The following VRK2 variants were observed in gnomAD, a reference collection of about 807,000 sequenced individuals.
VRK2 encodes VRK serine/threonine kinase 2.
VRK2 carries 60 observed loss-of-function variants against 57.6 expected under a neutral mutation model. That is an observed-to-expected ratio of 1.04 (90% confidence interval 0.85 to 1.29). VRK2 has a LOEUF of 1.29. VRK2 is among the 50% of genes most tolerant of loss of function. The pLI is 0.00. For synonymous variants in VRK2, 231 were observed against 199.2 expected (o/e 1.16, Z -1.35); for missense variants, 705 against 588.1 (o/e 1.20, Z -2.06).
chr2:58,038,137 G>A (rs1181149746), intron 3 of VRK2, among the ~76,000 whole-genome samples: 1 of 152,088 alleles, frequency 6.6e-6, no homozygotes, highest in African/African-American at 2.4e-5. Flanking sequence ...ATCTCGAATT[G>A]TAATCCTCAG....
intron 1 of VRK2, among the ~76,000 whole-genome samples, chr2:57,986,177 A>C (rs976012354): frequency 1.3e-5 from 2 of 152,150 alleles, no homozygotes; most frequent in Non-Finnish European, 2.9e-5. Flanking sequence ...AAAGCAGAAG[A>C]ATAGTTAACT....
chr2:57,974,264 C>A (rs776848114), intron 1 of VRK2, among the ~76,000 whole-genome samples: 1 of 151,822 alleles, frequency 6.6e-6, no homozygotes, highest in Non-Finnish European at 1.5e-5. Flanking sequence ...TTTATAATAT[C>A]TTTCTTTCCA....
intron 1 of VRK2, among the ~76,000 whole-genome samples, chr2:57,996,422 A>C (rs983578678): frequency 6.6e-6 from 1 of 152,232 alleles, no homozygotes; most frequent in Non-Finnish European, 1.5e-5. Context: ...AAGCAGGGCC[A>C]ATCTCTGACC....
chr2:58,156,718 G>T (rs1308013459), intron 12 of VRK2, among the ~76,000 whole-genome samples: 6 of 151,772 alleles, frequency 4.0e-5, no homozygotes, highest in African/African-American at 1.5e-4. Context: ...ATATTTCTTT[G>T]TATGTTGAGA....
At chr2:57,923,401 G>C (rs149070906) in intron 1 of VRK2, among the ~76,000 whole-genome samples, 342 of 151,902 alleles carry the variant, frequency 2.3e-3, no homozygotes, top group Middle Eastern at 3.4e-3. Flanking sequence ...GTTATTTCCT[G>C]TTTTTTAGAT....
intron 7 of VRK2, among the ~76,000 whole-genome samples, chr2:58,098,949 C>CT (rs1673556189): frequency 2.0e-5 from 3 of 151,904 alleles, no homozygotes; most frequent in Non-Finnish European, 4.4e-5. Context: ...CCTCTTGGAC[C>CT]ACCTAACCTA....
Position 58,159,862 on chromosome 2 carries a change from G to A in VRK2, c.*169G>A. On this transcript the variant is annotated 3_prime_UTR_variant, in exon 13 of 13. Transcript: ENST00000340157. ...ACACTCTAAAAAATAAAATTGCTTT[G>A]TACTAGAAATAGTGTCATAGAATAG... 1.2e-6 allele frequency: 2 copies of A among 1,602,822 alleles called. No homozygotes were observed. The highest frequency in any genetic ancestry group is 1.7e-6 in the Non-Finnish European group (2 of 1,175,404).
intron 1 of VRK2, among the ~76,000 whole-genome samples, chr2:57,997,825 G>T (rs1015461947): frequency 6.6e-6 from 1 of 151,714 alleles, no homozygotes; most frequent in African/African-American, 2.4e-5. Flanking sequence ...CTTGAGTTCC[G>T]AAGGCAGAGG....
intron 1 of VRK2, among the ~76,000 whole-genome samples, chr2:57,982,930 C>G (rs548200657): frequency 6.6e-6 from 1 of 152,304 alleles, no homozygotes; most frequent in South Asian, 2.1e-4. Context: ...CTTGACAGCT[C>G]AGATGTCTTT....
At chr2:58,093,739 C>T (rs1013409376) in intron 7 of VRK2, among the ~76,000 whole-genome samples, 2 of 152,144 alleles carry the variant, frequency 1.3e-5, no homozygotes, top group Non-Finnish European at 2.9e-5. Flanking sequence ...AGTCCTTGCC[C>T]ATGCCTGTGT....
intron 1 of VRK2, among the ~76,000 whole-genome samples, chr2:57,910,097 T>A (rs545691836): frequency 6.7e-6 from 1 of 149,410 alleles, no homozygotes; most frequent in Non-Finnish European, 1.5e-5. Flanking sequence ...CTTAAAACCA[T>A]GAATGAAGAT....
intron 1 of VRK2, among the ~76,000 whole-genome samples, chr2:57,918,144 C>T (rs1670217048): frequency 6.6e-6 from 1 of 152,042 alleles, no homozygotes; most frequent in African/African-American, 2.4e-5. Flanking sequence ...ACTGATGACA[C>T]AGGACTATTT....
chr2:57,985,518 T>C (rs963678070), intron 1 of VRK2, among the ~76,000 whole-genome samples: 1 of 152,082 alleles, frequency 6.6e-6, no homozygotes, highest in African/African-American at 2.4e-5. Context: ...CATGTTTTAA[T>C]ACTGCTCCTA....
intron 1 of VRK2, among the ~76,000 whole-genome samples, chr2:57,962,578 C>T (rs528073772): frequency 5.9e-5 from 9 of 152,234 alleles, no homozygotes; most frequent in African/African-American, 2.2e-4. Context: ...CTCCCTCCCT[C>T]CATCCTCAAG....
At chr2:58,046,901 G>T in intron 1 of VRK2, 33 bp downstream of exon 1, 3 of 985,384 alleles carry the variant, frequency 3.0e-6, no homozygotes, top group Non-Finnish European at 3.6e-6. Context: ...TTGGGTGGCG[G>T]GCGGCACCTC....
chr2:57,913,339 T>C (rs1670048754), intron 1 of VRK2, among the ~76,000 whole-genome samples: 1 of 152,228 alleles, frequency 6.6e-6, no homozygotes, highest in Non-Finnish European at 1.5e-5. Flanking sequence ...AATGACTGTC[T>C]ATAAAAGTGC....
intron 1 of VRK2, among the ~76,000 whole-genome samples, chr2:57,984,522 C>A (rs1364651259): frequency 6.6e-6 from 1 of 152,072 alleles, no homozygotes; most frequent in East Asian, 1.9e-4. Flanking sequence ...TTTTAGCTAA[C>A]TATGGCACAC....
chr2:58,044,046 A>C (rs1364323796), upstream of VRK2, among the ~76,000 whole-genome samples: 1 of 152,216 alleles, frequency 6.6e-6, no homozygotes, highest in Non-Finnish European at 1.5e-5. Flanking sequence ...TGAGATTTAG[A>C]TCTTGTATTT....
upstream of VRK2, among the ~76,000 whole-genome samples, chr2:58,042,870 C>A (rs1445121872): frequency 6.6e-6 from 1 of 151,950 alleles, no homozygotes; most frequent in African/African-American, 2.4e-5. Flanking sequence ...TCTTTTCTTT[C>A]TTGTTTCTCA....
Sources: allele counts gnomAD v4.1 joint callset (sites outside exome capture counted in the v4.1 genomes callset), GRCh38; gene constraint gnomAD v4.1.1; transcripts MANE v1.5; gene names NCBI Gene and HGNC (gene_info 2026-07-23, HGNC 2026-07-21).